Variants in RB1 observed in about 807,000 individuals in gnomAD.
RB1 encodes the protein retinoblastoma-associated protein.
RB1 carries 18 observed loss-of-function variants against 135.4 expected under a neutral mutation model. That is an observed-to-expected ratio of 0.13 (90% CI 0.09 to 0.20). The LOEUF is 0.20. RB1 is among the 10% of genes least tolerant of loss of function. RB1 has a pLI of 1.00. For synonymous variants in RB1, 365 were observed against 373.2 expected (o/e 0.98, Z 0.25); for missense variants, 868 against 1,110.0 (o/e 0.78, Z 3.10).
rs4151586 is a variant in RB1 at position 48,455,529 on chromosome 13, A to G, written c.1815-675A>G. ...TGTAGAAACATCCATAGTAAGGTAC[A>G]AATTCTACTTCCTGTTCTCTTTGTT... On this transcript the variant is annotated intron_variant, in intron 18 of 26. Transcript: ENST00000267163. Among the ~76,000 whole-genome samples, 1,515 of 152,344 alleles carry G rather than the reference A, an allele frequency of 9.9e-3. 35 individuals carry two copies. Among genetic ancestry groups the G allele is most frequent in the African/African-American group, 0.035 (1,437 of 41,564 alleles).
intron 17 of RB1, among the ~76,000 whole-genome samples, chr13:48,384,931 C>T (rs1948561446): frequency 6.6e-6 from 1 of 152,122 alleles, no homozygotes; most frequent in African/African-American, 2.4e-5. Context: ...TGGGGGATTA[C>T]AGGTGCTATC....
chr13:48,459,806 A>G lies in RB1; in HGVS notation c.2079A>G (p.Glu693=), dbSNP rs1949384874. The change falls in exon 20 of 27, where the codon GAA becomes GAG. Residue 693 remains glutamate, a synonymous_variant. Transcript: ENST00000267163. ...LFQHTLQNEY[E]LMRDRHLDQI... ...AGCACACCCTGCAGAATGAGTATGAACTCATGAGAGACAGGCATTTGGACC... is the reference window on the plus strand; with the variant it reads ...AGCACACCCTGCAGAATGAGTATGAGCTCATGAGAGACAGGCATTTGGACC... 1.2e-6 allele frequency: 2 copies of G among 1,613,816 alleles called. No homozygotes were observed. The highest frequency in any genetic ancestry group is 1.7e-6 in the Non-Finnish European group (2 of 1,179,866).
Position 48,376,968 on chromosome 13 carries a change from A to G in RB1, c.1266A>G (p.Ile422Met), listed in dbSNP as rs2138136421. Residue 422 changes from isoleucine to methionine, a missense_variant, in exon 13 of 27, where the codon ATA becomes ATG. Ile to Met is a conservative substitution (Grantham distance 10). Around this residue, in one of 3 missense-constraint regions of RB1, gnomAD observed 641 missense variants for 791.3 expected, o/e 0.81. Transcript: ENST00000267163. ...GTATACTGAAAAGAGTGAAGGATAT[A>G]GGATACATCTTTAAAGAGAAATTTG... ...KESILKRVKD[I>M]GYIFKEKFAK... 1 of 1,613,866 alleles carries G rather than the reference A, an allele frequency of 6.2e-7. No homozygotes were observed. Among genetic ancestry groups the G allele is most frequent in the Non-Finnish European group, 8.5e-7 (1 of 1,179,872 alleles).
At position 48,328,530 on chromosome 13, in the gene RB1, C is replaced by T. The variant is rs553777807; in HGVS notation, c.265-14069C>T. On this transcript the variant is annotated intron_variant, in intron 2 of 26. Coordinates refer to ENST00000267163, the MANE Select transcript of RB1 (RefSeq NM_000321.3). The stretch of plus-strand genomic sequence containing the variant: ...CAGCTCCAGCTCATTGCGACTTTTC[C>T]GGCTTCTCCTCTCCCGCCTTCCCAT... 155 of 755,966 alleles carry T rather than the reference C, an allele frequency of 2.1e-4. 2 individuals are homozygous for T. Among genetic ancestry groups the T allele is most frequent in the South Asian group, 2.0e-3 (145 of 72,046 alleles). The allele number at this position is 755,966 out of a possible 1,614,324, so 46.8% of individuals were successfully genotyped here.
chr13:48,417,535 C>T (rs1456837896), intron 17 of RB1, among the ~76,000 whole-genome samples: 1 of 152,118 alleles, frequency 6.6e-6, no homozygotes, highest in Non-Finnish European at 1.5e-5. Context: ...CAAAGAATCA[C>T]AACTCCTCGC....
chr13:48,401,481 C>T (rs1948691193), intron 17 of RB1: 1 of 152,116 alleles, frequency 6.6e-6, no homozygotes, highest in Admixed American at 6.5e-5. Flanking sequence ...GGCAATTATG[C>T]TTCAATCATC....
At chr13:48,316,954 C>A in intron 2 of RB1, 1 of 373,424 alleles carries the variant, frequency 2.7e-6, no homozygotes, top group East Asian at 6.4e-5. Flanking sequence ...CCCAAGGTGC[C>A]CTGGTCCTGG....
chr13:48,306,745 G>A (rs1952084098), intron 1 of RB1, among the ~76,000 whole-genome samples: 1 of 152,144 alleles, frequency 6.6e-6, no homozygotes, highest in African/African-American at 2.4e-5. Flanking sequence ...ATAGAAATTA[G>A]ATGAATGAAA....
rs537579598 is a variant in RB1 at position 48,462,644 on chromosome 13, T to A, written c.2107-1087T>A. ...TGTTTTCTTGTTATTGATGCTTTAG[T>A]GTCATATCTAAGAAACCAGTGCCAA... is the stretch of plus-strand genomic sequence containing the variant. On this transcript the variant is annotated intron_variant, in intron 20 of 26. Coordinates refer to ENST00000267163, the MANE Select transcript of RB1 (RefSeq NM_000321.3). Among the ~76,000 whole-genome samples, 68 of 152,350 alleles carry A rather than the reference T, an allele frequency of 4.5e-4. 1 individual carries two copies. The highest frequency in any genetic ancestry group is 1.6e-3 in the African/African-American group (68 of 41,582).
chr13:48,447,645 T>C (rs1402186310), intron 17 of RB1, among the ~76,000 whole-genome samples: 1 of 152,008 alleles, frequency 6.6e-6, no homozygotes, highest in Non-Finnish European at 1.5e-5. Context: ...TGCTCTACAG[T>C]TGAGAAGCTT....
intron 24 of RB1, among the ~76,000 whole-genome samples, chr13:48,473,710 A>G (rs1489187932): frequency 2.0e-5 from 3 of 152,118 alleles, no homozygotes; most frequent in Non-Finnish European, 4.4e-5. Flanking sequence ...CAAATGTGTG[A>G]GATTTTTTTC....
At chr13:48,449,351 G>A (rs198573) in intron 17 of RB1, among the ~76,000 whole-genome samples, 138,166 of 152,214 alleles carry the variant, frequency 0.91, 63,709 homozygotes, top group East Asian at 1. Flanking sequence ...CCCCCATTGC[G>A]TATCTTTAGG....
At chr13:48,375,300 T>G (rs952216446) in intron 12 of RB1, among the ~76,000 whole-genome samples, 1 of 152,134 alleles carries the variant, frequency 6.6e-6, no homozygotes, top group African/African-American at 2.4e-5. Flanking sequence ...TGAAGGTCAT[T>G]ATGTTTTTCC....
At chr13:48,477,459 G>T (rs969274542) in intron 26 of RB1, 55 bp downstream of exon 26, 21 of 1,392,170 alleles carry the variant, frequency 1.5e-5, no homozygotes, top group Non-Finnish European at 2.0e-5. Context: ...TACACTGCAA[G>T]AAGTCTTTTC....
intron 17 of RB1, among the ~76,000 whole-genome samples, chr13:48,452,393 GT>G (rs1302139531): frequency 1.3e-5 from 2 of 152,022 alleles, no homozygotes; most frequent in Non-Finnish European, 2.9e-5. Flanking sequence ...GACTATGTAA[GT>G]TATTTTATTT....
At chr13:48,345,234 T>C in intron 4 of RB1, 35 bp downstream of exon 4, 2 of 1,592,352 alleles carry the variant, frequency 1.3e-6, no homozygotes, top group South Asian at 1.1e-5. Context: ...TACACTCTGA[T>C]TTTTTATGTC....
intron 17 of RB1, among the ~76,000 whole-genome samples, chr13:48,397,583 G>A (rs976976919): frequency 6.6e-6 from 1 of 152,038 alleles, no homozygotes; most frequent in African/African-American, 2.4e-5. Flanking sequence ...CATGGCACGC[G>A]TATACCTATG....
intron 23 of RB1, among the ~76,000 whole-genome samples, chr13:48,466,183 G>A (rs1341138776): frequency 3.2e-4 from 39 of 123,678 alleles, no homozygotes; most frequent in African/African-American, 7.9e-4. Context: ...AGAGAGCAGT[G>A]GTTCTCCCAG....
At chr13:48,330,319 G>C (rs1446346786) in intron 2 of RB1, among the ~76,000 whole-genome samples, 1 of 151,626 alleles carries the variant, frequency 6.6e-6, no homozygotes, top group Non-Finnish European at 1.5e-5. Context: ...AGGGGGATAA[G>C]AAAGATCACA....
Sources: gnomAD v4.1 joint callset for allele counts (sites outside exome capture counted in the v4.1 genomes callset) on GRCh38, gnomAD v4.1.1 for gene constraint, gnomAD v4.1.1 regional missense constraint, MANE v1.5 for transcripts, NCBI Gene and HGNC (gene_info 2026-07-23, HGNC 2026-07-21) for gene names.